The following SLC30A8 variants were observed in gnomAD, a reference collection of about 807,000 sequenced individuals.
SLC30A8 encodes the protein solute carrier family 30 member 8.
In SLC30A8, 27 loss-of-function variants were observed where a neutral mutation model predicts 36.9. The observed-to-expected ratio is 0.73, with a 90% CI of 0.54 to 1.01. The LOEUF is 1.01. Ranked by LOEUF, SLC30A8 falls within the 50% of genes least tolerant of loss-of-function variation. The probability of loss-of-function intolerance (pLI) is 0.00; values close to 1 mark genes in which losing one functional copy is unlikely to be tolerated. For missense variants in SLC30A8, 439 were observed against 452.0 expected, an observed-to-expected ratio of 0.97 and a Z score of 0.26; for synonymous variants, 164 against 172.4, an observed-to-expected ratio of 0.95 and a Z score of 0.38.
chr8:117,014,129 C>T (rs747987729), intron 1 of SLC30A8, among the ~76,000 whole-genome samples: 24 of 152,036 alleles, frequency 1.6e-4, no homozygotes, highest in Non-Finnish European at 3.2e-4. Context: ...TACTTTTGCA[C>T]CAACCTAATA....
In SLC30A8 at chr8:117,141,317, G is replaced by A. The variant is rs539505434; in HGVS notation, c.72-5637G>A. Among the ~76,000 whole-genome samples the A allele has an allele frequency of 3.3e-5, 5 of 152,042 alleles. No individual in the cohort carries two copies. In the East Asian group the frequency reaches 9.7e-4, roughly 29 times the overall value. On this transcript the variant is annotated intron_variant, in intron 1 of 7. Coordinates refer to ENST00000456015, the MANE Select transcript of SLC30A8 (RefSeq NM_173851.3). ...TGAATCCAGCAACATATAAAATTAC[G>A]AACAATGATAAAATGGGATTTATCC...
chr8:117,085,015 T>C (rs1442649496), intron 2 of SLC30A8, among the ~76,000 whole-genome samples: 1 of 152,136 alleles, frequency 6.6e-6, no homozygotes, highest in Non-Finnish European at 1.5e-5. Flanking sequence ...GTTCAAATCC[T>C]TCCTTTGATG....
At chr8:116,968,927 G>A (rs1814690300) in intron 1 of SLC30A8, among the ~76,000 whole-genome samples, 1 of 151,866 alleles carries the variant, frequency 6.6e-6, no homozygotes, top group Non-Finnish European at 1.5e-5. Flanking sequence ...AGTGGAGAGG[G>A]GGTTTCGCCA....
intron 1 of SLC30A8, among the ~76,000 whole-genome samples, chr8:116,969,110 C>T (rs1304707204): frequency 6.6e-6 from 1 of 152,142 alleles, no homozygotes. Context: ...ATCCCACCTC[C>T]AGTGTTACTT....
intron 1 of SLC30A8, among the ~76,000 whole-genome samples, chr8:116,968,160 C>A (rs1434835057): frequency 6.6e-6 from 1 of 152,088 alleles, no homozygotes; most frequent in Non-Finnish European, 1.5e-5. Context: ...TAATTTGTTT[C>A]AACTCACTTG....
intron 1 of SLC30A8, among the ~76,000 whole-genome samples, chr8:117,145,692 A>G (rs995728293): frequency 2.0e-5 from 3 of 152,148 alleles, no homozygotes; most frequent in African/African-American, 7.2e-5. Flanking sequence ...TTCCTGACTC[A>G]ATATTAGGAC....
intron 1 of SLC30A8, 82 bp downstream of exon 1, chr8:117,135,480 G>A (rs2130933376): frequency 8.8e-7 from 1 of 1,134,670 alleles, no homozygotes. Context: ...CTGAATTGTA[G>A]GCCTTTACTC....
At chr8:117,125,017 A>G (rs1319807341) in intron 2 of SLC30A8, among the ~76,000 whole-genome samples, 1 of 152,074 alleles carries the variant, frequency 6.6e-6, no homozygotes, top group African/African-American at 2.4e-5. Context: ...AAAAATATTG[A>G]GATACCAAAA....
chr8:117,117,388 A>C (rs1171428952), intron 2 of SLC30A8, among the ~76,000 whole-genome samples: 3 of 152,010 alleles, frequency 2.0e-5, no homozygotes, highest in Non-Finnish European at 4.4e-5. Context: ...CACCTCAGTA[A>C]GAGCTTCAGC....
intron 1 of SLC30A8, among the ~76,000 whole-genome samples, chr8:117,029,210 G>T (rs938230333): frequency 2.6e-5 from 4 of 152,076 alleles, no homozygotes; most frequent in Admixed American, 2.0e-4. Flanking sequence ...AGTATCAGTC[G>T]ATGAGTTCAT....
chr8:117,136,820 C>T (rs887251348), intron 1 of SLC30A8, among the ~76,000 whole-genome samples: 1 of 151,930 alleles, frequency 6.6e-6, no homozygotes, highest in Non-Finnish European at 1.5e-5. Context: ...ATAAGCCAAC[C>T]ACTTATAGTT....
At chr8:117,092,649 G>C (rs138350176) in intron 2 of SLC30A8, among the ~76,000 whole-genome samples, 11 of 152,214 alleles carry the variant, frequency 7.2e-5, no homozygotes, top group Non-Finnish European at 1.2e-4. Flanking sequence ...GAGAAAACTA[G>C]CTGAGACTAC....
rs1016391718 is a variant in SLC30A8, at chr8:117,065,242, G to A, written c.-226+25984G>A. Among the ~76,000 whole-genome samples the A allele has an allele frequency of 6.6e-5, 10 of 152,074 alleles. 1 individual carries two copies. Among genetic ancestry groups the A allele is most frequent in the African/African-American group, 2.4e-4 (10 of 41,406 alleles). Reference sequence around the variant, plus strand: ...AATTTAAAGCCTTATAAATATATGAGTATATAACTTTTCTCTATGCTTAGT... The same window carrying A: ...AATTTAAAGCCTTATAAATATATGAATATATAACTTTTCTCTATGCTTAGT... On this transcript the variant is annotated intron_variant, in intron 2 of 10. Transcript: ENST00000427715.
intron 1 of SLC30A8, among the ~76,000 whole-genome samples, chr8:116,998,491 A>G (rs1427824828): frequency 1.3e-5 from 2 of 152,246 alleles, no homozygotes; most frequent in Non-Finnish European, 2.9e-5. Context: ...TGTGTCTATA[A>G]TTCTCTTCAA....
At chr8:116,990,197 C>T (rs1218547735) in intron 1 of SLC30A8, among the ~76,000 whole-genome samples, 1 of 151,932 alleles carries the variant, frequency 6.6e-6, no homozygotes, top group Non-Finnish European at 1.5e-5. Context: ...ATTTTTTTCC[C>T]ATTTTCCTGC....
intron 1 of SLC30A8, among the ~76,000 whole-genome samples, chr8:116,958,497 C>T (rs924261197): frequency 3.3e-5 from 5 of 152,124 alleles, no homozygotes; most frequent in Admixed American, 6.5e-5. Flanking sequence ...AAAGATGATT[C>T]TTCACTGTCT....
chr8:117,157,115 G>A lies in SLC30A8; in HGVS notation c.419-576G>A, dbSNP rs187978670. On this transcript the variant is annotated intron_variant, in intron 3 of 7. Transcript: ENST00000456015. Reference sequence around the variant, plus strand: ...ACTTCTATTCTGATGCTTCTTTTTCGTACTGTTGCTCTTAAAATGCAGTCA... The same window carrying A: ...ACTTCTATTCTGATGCTTCTTTTTCATACTGTTGCTCTTAAAATGCAGTCA... Among the ~76,000 whole-genome samples, 103 of 152,086 alleles carry A rather than the reference G, an allele frequency of 6.8e-4. 2 individuals are homozygous for A. The highest frequency in any genetic ancestry group is 2.3e-3 in the African/African-American group (97 of 41,476).
intron 1 of SLC30A8, among the ~76,000 whole-genome samples, chr8:116,959,311 AT>A (rs1814334091): frequency 6.6e-6 from 1 of 152,106 alleles, no homozygotes; most frequent in Admixed American, 6.5e-5. Flanking sequence ...ATGTCTAGAA[AT>A]TTTCCATATC....
chr8:116,959,980 A>C (rs12335141), intron 1 of SLC30A8, among the ~76,000 whole-genome samples: 83 of 152,286 alleles, frequency 5.5e-4, no homozygotes, highest in African/African-American at 1.9e-3. Flanking sequence ...TCTCAACTCT[A>C]TCTCTTCAAC....
Sources: allele counts gnomAD v4.1 joint callset (sites outside exome capture counted in the v4.1 genomes callset), GRCh38; gene constraint gnomAD v4.1.1; transcripts MANE v1.5; gene names NCBI Gene and HGNC (gene_info 2026-07-23, HGNC 2026-07-21).